Variants in PDK1 observed in about 807,000 individuals in gnomAD.
The protein encoded by PDK1 is pyruvate dehydrogenase kinase 1, also known as [Pyruvate dehydrogenase (acetyl-transferring)] kinase isozyme 1, mitochondrial.
In PDK1, 39 loss-of-function variants were observed where a neutral mutation model predicts 54.2. That is an observed-to-expected ratio of 0.72 (90% CI 0.56 to 0.94). The LOEUF is 0.94. Ranked by LOEUF, PDK1 falls within the 40% of genes least tolerant of loss-of-function variation. The pLI is 0.00. For synonymous variants in PDK1, 221 were observed against 207.1 expected, an observed-to-expected ratio of 1.07 and a Z score of -0.58; for missense variants, 552 against 566.0, an observed-to-expected ratio of 0.98 and a Z score of 0.25.
the PDK1 span, among the ~76,000 whole-genome samples, chr2:172,720,701 C>T: frequency 0.017 from 2,614 of 152,238 alleles, 84 homozygotes; most frequent in African/African-American, 0.06. Flanking sequence ...GTTCCTTGCT[C>T]TTCCAATAAT....
At chr2:172,612,474 GT>G (rs553598144), downstream of PDK1, among the ~76,000 whole-genome samples, 20 of 148,296 alleles carry the variant, frequency 1.3e-4, no homozygotes, top group East Asian at 9.8e-4. Flanking sequence ...TAGAAGGTTT[GT>G]TTTTTTTTTA....
At chr2:172,577,625 G>A (rs893294593) in intron 8 of PDK1, among the ~76,000 whole-genome samples, 7 of 151,322 alleles carry the variant, frequency 4.6e-5, no homozygotes, top group Middle Eastern at 3.4e-3. Flanking sequence ...ATTATCCTGG[G>A]GATTACAATT....
In PDK1 at chr2:172,556,304, T is replaced by C. The variant is rs2149169846; in HGVS notation, c.154T>C (p.Phe52Leu). 6.6e-7 allele frequency: 1 copy of C among 1,507,516 alleles called. No homozygotes were observed. The highest frequency in any genetic ancestry group is 1.3e-5 in the South Asian group (1 of 78,686). 93.4% of individuals were successfully genotyped at this position (1,507,516 alleles called of 1,614,324 possible). The change falls in exon 1 of 11, where the codon TTC (phenylalanine) becomes CTC (leucine). Residue 52 changes from phenylalanine to leucine, a missense_variant. By Grantham distance (22) the Phe-to-Leu change is conservative. Coordinates refer to ENST00000282077, the MANE Select transcript of PDK1 (RefSeq NM_002610.5). The stretch of plus-strand genomic sequence containing the variant: ...GGGCCAGGTGGACTTCTACGCGCGC[T>C]TCTCGCCGTCCCCGCTCTCCATGAA... ...VPGQVDFYAR[F>L]SPSPLSMKQF...
At chr2:172,629,059 G>A in the PDK1 span, among the ~76,000 whole-genome samples, 1 of 152,290 alleles carries the variant, frequency 6.6e-6, no homozygotes, top group South Asian at 2.1e-4. Flanking sequence ...GCCTTGAGGA[G>A]GTTGAGGCTG....
chr2:172,631,021 C>CCTTT, the PDK1 span, among the ~76,000 whole-genome samples: 1 of 152,294 alleles, frequency 6.6e-6, no homozygotes, highest in East Asian at 1.9e-4. Flanking sequence ...CATAGCTTTA[C>CCTTT]CTTTCACATT....
the PDK1 span, among the ~76,000 whole-genome samples, chr2:172,698,862 T>G: frequency 6.6e-6 from 1 of 152,136 alleles, no homozygotes; most frequent in Non-Finnish European, 1.5e-5. Context: ...GGTACTGGTG[T>G]TTTTTGTTTC....
the PDK1 span, among the ~76,000 whole-genome samples, chr2:172,619,488 C>CTT: frequency 7.1e-3 from 1,043 of 146,912 alleles, 16 homozygotes; most frequent in African/African-American, 0.024. Context: ...CTAGGCCTAG[C>CTT]TTTTTTTTTT....
chr2:172,703,808 G>A, the PDK1 span, among the ~76,000 whole-genome samples: 1 of 110,534 alleles, frequency 9.0e-6, no homozygotes, highest in South Asian at 2.8e-4. Flanking sequence ...TCGCTCTATC[G>A]CCCAGCCAGG....
the PDK1 span, among the ~76,000 whole-genome samples, chr2:172,671,184 T>G: frequency 1.3e-5 from 2 of 151,776 alleles, no homozygotes; most frequent in Non-Finnish European, 2.9e-5. Context: ...AGGATAAGTT[T>G]ATTTTGCAGT....
chr2:172,633,931 A>G, the PDK1 span, among the ~76,000 whole-genome samples: 1 of 119,494 alleles, frequency 8.4e-6, no homozygotes, highest in Non-Finnish European at 1.6e-5. Flanking sequence ...ACTGGAGTGC[A>G]GTGGCACGAT....
At chr2:172,681,389 A>T in the PDK1 span, among the ~76,000 whole-genome samples, 5 of 152,188 alleles carry the variant, frequency 3.3e-5, no homozygotes, top group Non-Finnish European at 5.9e-5. Flanking sequence ...TGTGCCAGTT[A>T]ATTAGTGTTC....
the PDK1 span, among the ~76,000 whole-genome samples, chr2:172,719,115 A>G: frequency 6.6e-6 from 1 of 152,168 alleles, no homozygotes; most frequent in Non-Finnish European, 1.5e-5. Context: ...AGCATAATAC[A>G]TTAGAGATTT....
the PDK1 span, among the ~76,000 whole-genome samples, chr2:172,689,351 G>C: frequency 6.6e-6 from 1 of 151,910 alleles, no homozygotes; most frequent in Non-Finnish European, 1.5e-5. Context: ...AATAAAACAG[G>C]ACACAAACAA....
the PDK1 span, among the ~76,000 whole-genome samples, chr2:172,664,252 A>G: frequency 1.5e-5 from 2 of 134,984 alleles, no homozygotes; most frequent in African/African-American, 5.6e-5. Context: ...CAGAGGTTGC[A>G]AAGAGCCGAG....
At chr2:172,682,724 A>G in the PDK1 span, among the ~76,000 whole-genome samples, 70 of 152,338 alleles carry the variant, frequency 4.6e-4, 1 homozygote, top group East Asian at 0.013. Context: ...ATTTGGAGGT[A>G]CTTTTGTTGT....
chr2:172,715,543 C>T, the PDK1 span, among the ~76,000 whole-genome samples: 1 of 152,196 alleles, frequency 6.6e-6, no homozygotes, highest in Non-Finnish European at 1.5e-5. Context: ...GGAGGTTCAT[C>T]AGGCTGTTCT....
chr2:172,706,473 G>A, the PDK1 span, among the ~76,000 whole-genome samples: 14 of 151,316 alleles, frequency 9.3e-5, no homozygotes, highest in African/African-American at 2.4e-4. Context: ...TGCCCAGGCC[G>A]GAGTGCAGTG....
In PDK1 at chr2:172,603,586, G is replaced by C. The variant is rs1691185378; in HGVS notation, c.*7617G>C. On this transcript the variant is annotated 3_prime_UTR_variant, in exon 11 of 11. Coordinates refer to ENST00000282077, the MANE Select transcript of PDK1 (RefSeq NM_002610.5). ...CAATAAGTGAAGTCTCTGGCAGTGG[G>C]AAGCATGGACCCAAGACCGAAAGCT... 1 of 152,208 alleles carries C rather than the reference G, an allele frequency of 6.6e-6. No individual in the cohort carries two copies. Among genetic ancestry groups the C allele is most frequent in the African/African-American group, 2.4e-5 (1 of 41,450 alleles). The allele number at this position is 152,208 out of a possible 1,614,324, so 9.4% of individuals were successfully genotyped here. A position where few individuals can be genotyped will look rare whatever the true frequency, so the allele number is the denominator to read the frequency against.
chr2:172,562,838 A>G, intron 3 of PDK1: 1 of 1,601,532 alleles, frequency 6.2e-7, no homozygotes, highest in African/African-American at 1.3e-5. Flanking sequence ...CATATACCAG[A>G]ATTGGTAAAC....
Sources: gnomAD v4.1 joint callset for allele counts (sites outside exome capture counted in the v4.1 genomes callset) on GRCh38, gnomAD v4.1.1 for gene constraint, MANE v1.5 for transcripts, NCBI Gene and HGNC (gene_info 2026-07-23, HGNC 2026-07-21) for gene names.